NALCN: variants seen among roughly 807,000 people sequenced by gnomAD.
NALCN encodes the protein sodium leak channel, non-selective, also known as sodium leak channel NALCN.
Under a neutral mutation model 225.3 loss-of-function variants are expected in NALCN, and 111 were observed. The ratio of observed to expected loss-of-function variants is 0.49; its 90% CI spans 0.42 to 0.58. The LOEUF (loss-of-function observed/expected upper bound fraction) is 0.58, where lower values mean the gene tolerates loss of function less well. Among genes scored for constraint, NALCN ranks in the 20% least tolerant of loss-of-function variants. NALCN has a pLI of 0.00. For synonymous variants in NALCN, 764 were observed against 769.0 expected (o/e 0.99, Z 0.11); for missense variants, 1,378 against 2,202.4 (o/e 0.63, Z 7.49).
intron 7 of NALCN, among the ~76,000 whole-genome samples, chr13:101,298,996 C>T (rs7321766): frequency 0.24 from 36,069 of 152,228 alleles, 5,171 homozygotes; most frequent in South Asian, 0.32. Context: ...TGAATCTCTT[C>T]ACTTGAGATC....
chr13:101,314,320 A>T (rs192662571), intron 7 of NALCN, among the ~76,000 whole-genome samples: 4 of 151,788 alleles, frequency 2.6e-5, no homozygotes, highest in Admixed American at 1.3e-4. Context: ...ATAATAAAAT[A>T]AAAAAATGTA....
In NALCN at chr13:101,215,549, G is replaced by A. The variant is rs116889411; in HGVS notation, c.1626+13844C>T. Among the ~76,000 whole-genome samples, 1,178 of 152,094 alleles carry A rather than the reference G, an allele frequency of 7.7e-3. 11 individuals carry two copies. The highest frequency in any genetic ancestry group is 0.029 in the South Asian group (139 of 4,822). ...GGCTTTGGTCTCATCTGGAGCTTGC[G>A]GTCTTCTTCTAACTTCATTTGGGTT... On this transcript the variant is annotated intron_variant, in intron 13 of 43. Transcript: ENST00000251127.
chr13:101,248,682 T>C (rs1341305772), intron 11 of NALCN, among the ~76,000 whole-genome samples: 1 of 152,220 alleles, frequency 6.6e-6, no homozygotes, highest in Non-Finnish European at 1.5e-5. Context: ...GAGGGTGATA[T>C]GTCCTCACTC....
chr13:101,160,279 G>T (rs1310068569), intron 15 of NALCN, among the ~76,000 whole-genome samples: 1 of 152,148 alleles, frequency 6.6e-6, no homozygotes, highest in African/African-American at 2.4e-5. Flanking sequence ...ATGTTTGCAA[G>T]GTCCCTTCTA....
At position 101,395,342 on chromosome 13, in the gene NALCN, G is replaced by C. The variant is rs1282147524; in HGVS notation, c.132C>G (p.Ile44Met). ...CAGAAATGACGCTGATGATGGCACAGATGCGCAGCAAAGAGTGAACCCACT... is the reference window on the plus strand; with the variant it reads ...CAGAAATGACGCTGATGATGGCACACATGCGCAGCAAAGAGTGAACCCACT... ...NKPWVHSLLR[I>M]CAIISVISVC... The change falls in exon 3 of 44, where the codon ATC becomes ATG. Residue 44 changes from isoleucine (I) to methionine (M), a missense_variant. Ile to Met is a conservative substitution (Grantham distance 10, BLOSUM62 1). Around this residue, in one of 19 missense-constraint regions of NALCN, gnomAD observed 146 missense variants for 205.9 expected, o/e 0.71. Transcript: ENST00000251127. The C allele has an allele frequency of 1.2e-6, 2 of 1,613,802 alleles. No individual in the cohort carries two copies. The highest frequency in any genetic ancestry group is 1.7e-6 in the Non-Finnish European group (2 of 1,179,874).
chr13:101,205,527 A>G (rs866124693), intron 13 of NALCN, among the ~76,000 whole-genome samples: 6 of 152,126 alleles, frequency 3.9e-5, no homozygotes, highest in African/African-American at 1.2e-4. Flanking sequence ...GTTGAAAGGT[A>G]TACTTCCCAC....
At chr13:101,338,893 T>C (rs988932128) in intron 7 of NALCN, among the ~76,000 whole-genome samples, 1 of 152,250 alleles carries the variant, frequency 6.6e-6, no homozygotes, top group Non-Finnish European at 1.5e-5. Context: ...GAGTTCAGCC[T>C]GCCTCTGCCC....
chr13:101,275,933 G>A (rs1437998422), intron 10 of NALCN, among the ~76,000 whole-genome samples: 4 of 151,734 alleles, frequency 2.6e-5, no homozygotes, highest in African/African-American at 4.8e-5. Context: ...GCATGGTGGC[G>A]GGCGCCTGTA....
chr13:101,155,795 C>T (rs2037872600), intron 15 of NALCN, among the ~76,000 whole-genome samples: 1 of 152,160 alleles, frequency 6.6e-6, no homozygotes, highest in South Asian at 2.1e-4. Context: ...GGAGAGGACA[C>T]TTTGAGGCCA....
intron 33 of NALCN, among the ~76,000 whole-genome samples, chr13:101,082,052 A>G (rs1352254184): frequency 6.6e-6 from 1 of 151,936 alleles, no homozygotes; most frequent in Non-Finnish European, 1.5e-5. Flanking sequence ...TAATTTTTGT[A>G]TTTTTAGTAG....
intron 26 of NALCN, among the ~76,000 whole-genome samples, chr13:101,101,963 G>A (rs879350920): frequency 2.0e-5 from 3 of 152,162 alleles, no homozygotes; most frequent in Non-Finnish European, 2.9e-5. Flanking sequence ...CCAGCTGTGT[G>A]AAGAGTCACT....
intron 15 of NALCN, among the ~76,000 whole-genome samples, chr13:101,166,713 G>A (rs1461398518): frequency 6.6e-6 from 1 of 151,972 alleles, no homozygotes; most frequent in Non-Finnish European, 1.5e-5. Context: ...TGTTTCCTTT[G>A]ACGTGCAAGT....
intron 17 of NALCN, among the ~76,000 whole-genome samples, chr13:101,129,715 A>ATTTTTTTTTT (rs34648262): frequency 7.3e-6 from 1 of 137,542 alleles, no homozygotes. Context: ...ATGACCCAGG[A>ATTTTTTTTTT]TTTTTTTTTT....
intron 14 of NALCN, among the ~76,000 whole-genome samples, chr13:101,179,376 A>C (rs1014347951): frequency 9.9e-5 from 15 of 152,166 alleles, no homozygotes; most frequent in Admixed American, 9.2e-4. Context: ...CAATGTCTGA[A>C]AATATACAGA....
chr13:101,246,793 G>C (rs1049837303), intron 11 of NALCN, among the ~76,000 whole-genome samples: 1 of 152,010 alleles, frequency 6.6e-6, no homozygotes, highest in African/African-American at 2.4e-5. Flanking sequence ...CTCAAACGTG[G>C]GTGTCAGATT....
At chr13:101,360,090 TTTC>T (rs199597856) in intron 6 of NALCN, among the ~76,000 whole-genome samples, 4,803 of 149,532 alleles carry the variant, frequency 0.032, 266 homozygotes, top group African/African-American at 0.11. Context: ...TTTCTCTTTC[TTTC>T]TTTTCTTTCT....
At chr13:101,267,615 A>C (rs1053905802) in intron 10 of NALCN, among the ~76,000 whole-genome samples, 4 of 152,196 alleles carry the variant, frequency 2.6e-5, no homozygotes, top group African/African-American at 9.6e-5. Context: ...CGACCACATC[A>C]ACCCTGCAGC....
At chr13:101,212,145 A>AT (rs1480440747) in intron 13 of NALCN, among the ~76,000 whole-genome samples, 1 of 151,782 alleles carries the variant, frequency 6.6e-6, no homozygotes, top group Non-Finnish European at 1.5e-5. Flanking sequence ...TAATTTACTC[A>AT]TTTGGTTTTT....
chr13:101,314,977 T>A (rs1271213747), intron 7 of NALCN, among the ~76,000 whole-genome samples: 1 of 35,692 alleles, frequency 2.8e-5, no homozygotes, highest in Non-Finnish European at 6.5e-5. Flanking sequence ...TGAACGTACC[T>A]CCAGTGAGAT....
Sources: allele counts gnomAD v4.1 joint callset (sites outside exome capture counted in the v4.1 genomes callset), GRCh38; gene constraint gnomAD v4.1.1; regional missense constraint gnomAD v4.1.1; transcripts MANE v1.5; gene names NCBI Gene and HGNC (gene_info 2026-07-23, HGNC 2026-07-21).